The following HS3ST5 variants were observed in gnomAD, a reference collection of about 807,000 sequenced individuals.
HS3ST5 encodes the protein heparan sulfate-glucosamine 3-sulfotransferase 5, also known as heparan sulfate glucosamine 3-O-sulfotransferase 5.
Under a neutral mutation model 25.4 loss-of-function variants are expected in HS3ST5, and 10 were observed. That is an observed-to-expected ratio of 0.39 (90% CI 0.24 to 0.67). The LOEUF is 0.67. HS3ST5 is among the 30% of genes least tolerant of loss of function. The pLI is 0.44. For missense variants in HS3ST5, 324 were observed against 420.7 expected, an observed-to-expected ratio of 0.77 and a Z score of 2.01; for synonymous variants, 170 against 162.4, an observed-to-expected ratio of 1.05 and a Z score of -0.36.
chr6:114,341,631 T>A (rs1385811868), intron 1 of HS3ST5, among the ~76,000 whole-genome samples: 3 of 145,800 alleles, frequency 2.1e-5, no homozygotes, highest in African/African-American at 7.9e-5. Flanking sequence ...AAGAGATGCA[T>A]AAAGTGGGGC....
At chr6:114,129,752 CT>C (rs1343267836) in intron 3 of HS3ST5, among the ~76,000 whole-genome samples, 3 of 152,118 alleles carry the variant, frequency 2.0e-5, no homozygotes, top group African/African-American at 7.2e-5. Flanking sequence ...GCAAAGATAC[CT>C]TCAGAGAAAA....
chr6:114,176,338 T>C (rs763027941), intron 2 of HS3ST5, among the ~76,000 whole-genome samples: 2 of 152,202 alleles, frequency 1.3e-5, no homozygotes, highest in Non-Finnish European at 2.9e-5. Flanking sequence ...TATCATCTAC[T>C]AAGTTATACA....
At chr6:114,171,548 A>G (rs1250813559) in intron 2 of HS3ST5, among the ~76,000 whole-genome samples, 1 of 152,220 alleles carries the variant, frequency 6.6e-6, no homozygotes, top group African/African-American at 2.4e-5. Context: ...GATGATTGCT[A>G]TAATTTATTA....
intron 1 of HS3ST5, among the ~76,000 whole-genome samples, chr6:114,254,615 T>C (rs568044606): frequency 6.6e-6 from 1 of 151,182 alleles, no homozygotes; most frequent in East Asian, 1.9e-4. Flanking sequence ...GAAAAAGAGG[T>C]TTAATGGACT....
intron 1 of HS3ST5, among the ~76,000 whole-genome samples, chr6:114,304,403 G>T (rs534729793): frequency 6.6e-6 from 1 of 152,154 alleles, no homozygotes; most frequent in African/African-American, 2.4e-5. Flanking sequence ...GCTTTGTGCT[G>T]CATAGTAAGT....
At chr6:114,237,546 A>G (rs943190771) in intron 1 of HS3ST5, among the ~76,000 whole-genome samples, 2 of 152,226 alleles carry the variant, frequency 1.3e-5, no homozygotes, top group Non-Finnish European at 2.9e-5. Context: ...CCCAGTCCCC[A>G]TCCTCACAGA....
At chr6:114,174,133 T>C (rs1289122714) in intron 2 of HS3ST5, among the ~76,000 whole-genome samples, 1 of 152,006 alleles carries the variant, frequency 6.6e-6, no homozygotes, top group African/African-American at 2.4e-5. Flanking sequence ...CCAGAGCTGC[T>C]TTCAATGCCT....
chr6:114,302,352 T>A (rs1775113529), intron 1 of HS3ST5, among the ~76,000 whole-genome samples: 1 of 152,172 alleles, frequency 6.6e-6, no homozygotes, highest in Non-Finnish European at 1.5e-5. Flanking sequence ...GCAGTAGACA[T>A]GAAATGGTAA....
chr6:114,109,377 T>G (rs966333867), intron 3 of HS3ST5, among the ~76,000 whole-genome samples: 8 of 152,156 alleles, frequency 5.3e-5, no homozygotes, highest in African/African-American at 1.9e-4. Context: ...GGGCTCTACC[T>G]TCAGATCCAC....
chr6:114,131,665 G>T (rs1467175766), intron 3 of HS3ST5, among the ~76,000 whole-genome samples: 1 of 152,162 alleles, frequency 6.6e-6, no homozygotes, highest in African/African-American at 2.4e-5. Flanking sequence ...TGTAGACTTT[G>T]CTCTTGGGCC....
intron 1 of HS3ST5, among the ~76,000 whole-genome samples, chr6:114,232,897 A>G (rs1286816161): frequency 6.6e-6 from 1 of 151,950 alleles, no homozygotes; most frequent in African/African-American, 2.4e-5. Context: ...ATCTAGAGTG[A>G]TCTTTTAAAA....
At chr6:114,159,761 A>T (rs771294479) in intron 3 of HS3ST5, among the ~76,000 whole-genome samples, 1 of 152,234 alleles carries the variant, frequency 6.6e-6, no homozygotes, top group Admixed American at 6.6e-5. Flanking sequence ...CTAAGACATT[A>T]TCAAAAAATT....
At position 114,100,497 on chromosome 6, in the gene HS3ST5, C is replaced by T. The variant is rs565872363; in HGVS notation, c.-32-37620G>A. Among the ~76,000 whole-genome samples, 7 of 152,264 alleles carry T rather than the reference C, an allele frequency of 4.6e-5. No individual in the cohort carries two copies. In the South Asian group the frequency reaches 1.5e-3, roughly 32 times the overall value. On this transcript the variant is annotated intron_variant, in intron 3 of 4. Coordinates refer to ENST00000312719, the MANE Select transcript of HS3ST5 (RefSeq NM_153612.4). The stretch of plus-strand genomic sequence containing the variant: ...TTCATTTACATCAGCACATGGCTTT[C>T]AGTCGGGGCACAAATCAATAGGCAG...
At position 114,099,024 on chromosome 6, in the gene HS3ST5, C is replaced by A. The variant is rs145688725; in HGVS notation, c.-32-36147G>T. Among the ~76,000 whole-genome samples the A allele has an allele frequency of 1.6e-4, 24 of 152,102 alleles. No individual in the cohort carries two copies. The East Asian group carries it at 4.2e-3, about 27-fold the overall frequency. On this transcript the variant is annotated intron_variant, in intron 3 of 4. Coordinates refer to ENST00000312719, the MANE Select transcript of HS3ST5 (RefSeq NM_153612.4). ...ATATACCCGAAGTTAAATAACAATA[C>A]AAGAAATGATGTGAGGTGGAGCAGT...
chr6:114,222,612 C>T lies in HS3ST5; in HGVS notation c.-145+5973G>A, dbSNP rs143256917. ...TCATTAAATTTGGCTATGTTGATGACGCATGATAGAAATGTGGTTGCTATG... is the reference window on the plus strand; with the variant it reads ...TCATTAAATTTGGCTATGTTGATGATGCATGATAGAAATGTGGTTGCTATG... On this transcript the variant is annotated intron_variant, in intron 2 of 4. Transcript: ENST00000312719. 1.4e-3 allele frequency among the ~76,000 whole-genome samples: 219 copies of T among 151,834 alleles called. 1 individual carries two copies. Among genetic ancestry groups the T allele is most frequent in the African/African-American group, 4.7e-3 (194 of 41,504 alleles).
chr6:114,225,730 A>G (rs1342994671), intron 2 of HS3ST5, among the ~76,000 whole-genome samples: 4 of 151,998 alleles, frequency 2.6e-5, no homozygotes, highest in Non-Finnish European at 5.9e-5. Flanking sequence ...AGAATAACAC[A>G]TGCAGGATAG....
chr6:114,131,586 G>A (rs1036196110), intron 3 of HS3ST5, among the ~76,000 whole-genome samples: 1 of 152,138 alleles, frequency 6.6e-6, no homozygotes, highest in Non-Finnish European at 1.5e-5. Context: ...GGAGAAGGGG[G>A]ACAATTTGAA....
intron 1 of HS3ST5, among the ~76,000 whole-genome samples, chr6:114,304,476 C>T (rs1185362964): frequency 6.6e-6 from 1 of 152,022 alleles, no homozygotes; most frequent in African/African-American, 2.4e-5. Flanking sequence ...CTATACAATA[C>T]ATTTATGTAA....
chr6:114,158,424 T>A (rs1452250602), intron 3 of HS3ST5, among the ~76,000 whole-genome samples: 3 of 152,198 alleles, frequency 2.0e-5, no homozygotes, highest in Non-Finnish European at 4.4e-5. Context: ...CAATAGTTAC[T>A]GAGTATTTAT....
Sources: allele counts gnomAD v4.1 joint callset (sites outside exome capture counted in the v4.1 genomes callset), GRCh38; gene constraint gnomAD v4.1.1; transcripts MANE v1.5; gene names NCBI Gene and HGNC (gene_info 2026-07-23, HGNC 2026-07-21).